Variants in NRG1 observed in about 807,000 individuals in gnomAD.
NRG1 encodes pro-neuregulin-1, membrane-bound isoform.
Under a neutral mutation model 63.8 loss-of-function variants are expected in NRG1, and 18 were observed. The ratio of observed to expected loss-of-function variants is 0.28; its 90% CI spans 0.19 to 0.42. The LOEUF (loss-of-function observed/expected upper bound fraction) is 0.42, where lower values mean the gene tolerates loss of function less well. Ranked by LOEUF, NRG1 falls within the 10% of genes least tolerant of loss-of-function variation. The pLI is 1.00. For synonymous variants in NRG1, 302 were observed against 301.3 expected, an observed-to-expected ratio of 1.00 and a Z score of -0.02; for missense variants, 762 against 814.7, an observed-to-expected ratio of 0.94 and a Z score of 0.79.
chr8:32,391,889 A>T (rs1811819626), intron 1 of NRG1, among the ~76,000 whole-genome samples: 1 of 152,230 alleles, frequency 6.6e-6, no homozygotes, highest in Non-Finnish European at 1.5e-5. Flanking sequence ...AGTCCAAAGG[A>T]TAATTCAGTC....
rs370950872 is a variant in NRG1, at chr8:31,918,518, G to C, written c.37+279087G>C. ...CTGGATTACATTTATTGATTTGCGT[G>C]TATTGAACCAGCCTTGCATCCCAGG... On this transcript the variant is annotated intron_variant, in intron 1 of 10. Transcript: ENST00000519301. Among the ~76,000 whole-genome samples the C allele has an allele frequency of 3.9e-5, 6 of 152,036 alleles. No homozygotes were observed. In the South Asian group the frequency reaches 1.2e-3, roughly 32 times the overall value.
At chr8:32,006,938 T>C (rs1447744255) in intron 1 of NRG1, among the ~76,000 whole-genome samples, 1 of 151,978 alleles carries the variant, frequency 6.6e-6, no homozygotes, top group East Asian at 1.9e-4. Context: ...ATCAGTAATA[T>C]AGAGGCAGAC....
At position 32,133,907 on chromosome 8, in the gene NRG1, G is replaced by A. The variant is rs927725223; in HGVS notation, c.38-461921G>A. 2.0e-5 allele frequency among the ~76,000 whole-genome samples: 3 copies of A among 152,060 alleles called. No homozygotes were observed. In the East Asian group the frequency reaches 5.8e-4, roughly 29 times the overall value. The stretch of plus-strand genomic sequence containing the variant: ...AGCACAGGTTGAAAATACTTTTATG[G>A]GCCACAGGATAATTTAAGTGATTAT... On this transcript the variant is annotated intron_variant, in intron 1 of 10. Transcript: ENST00000519301.
At chr8:32,158,344 G>T (rs1330736212) in intron 1 of NRG1, among the ~76,000 whole-genome samples, 1 of 150,300 alleles carries the variant, frequency 6.7e-6, no homozygotes, top group East Asian at 1.9e-4. Context: ...TGAGGTAATA[G>T]GAATTTTTTA....
At chr8:32,649,757 C>A (rs2129547249) in intron 5 of NRG1, among the ~76,000 whole-genome samples, 1 of 152,264 alleles carries the variant, frequency 6.6e-6, no homozygotes, top group East Asian at 1.9e-4. Flanking sequence ...GGAAAACCTC[C>A]TTCATGCAGA....
Position 32,595,994 on chromosome 8 carries a change from A to G in NRG1, c.267A>G (p.Gln89=), listed in dbSNP as rs955467605. Residue 89 remains glutamine, a synonymous_variant, in exon 2 of 12, where the codon CAA becomes CAG. Coordinates refer to ENST00000356819, the Ensembl canonical transcript of NRG1. ...ACAAACCACAAAATATCAAGATACA[A>G]AAAAAGCCAGGGTAAGTATAATGCA... is the stretch of plus-strand genomic sequence containing the variant. 4.3e-6 allele frequency: 7 copies of G among 1,612,974 alleles called. No homozygotes were observed. The Admixed American group carries it at 6.7e-5, about 15-fold the overall frequency.
At chr8:32,207,770 G>C (rs1190809421) in intron 1 of NRG1, among the ~76,000 whole-genome samples, 1 of 152,164 alleles carries the variant, frequency 6.6e-6, no homozygotes, top group Non-Finnish European at 1.5e-5. Context: ...AGCAGGGAAT[G>C]GTTTATAGGC....
At chr8:32,208,186 GT>G (rs1844275392) in intron 1 of NRG1, among the ~76,000 whole-genome samples, 1 of 151,966 alleles carries the variant, frequency 6.6e-6, no homozygotes, top group Admixed American at 6.6e-5. Context: ...TTTTTTACCT[GT>G]CATATGGCAG....
chr8:32,197,884 G>A (rs1315893806), intron 1 of NRG1, among the ~76,000 whole-genome samples: 1 of 152,134 alleles, frequency 6.6e-6, no homozygotes, highest in Non-Finnish European at 1.5e-5. Flanking sequence ...GCCTGGCCAA[G>A]TCTTAGGTAA....
intron 1 of NRG1, among the ~76,000 whole-genome samples, chr8:32,031,425 G>A (rs1004576624): frequency 2.0e-5 from 3 of 152,152 alleles, no homozygotes; most frequent in African/African-American, 2.4e-5. Context: ...CTCGCTGCAC[G>A]TGACTGGTGC....
intron 1 of NRG1, among the ~76,000 whole-genome samples, chr8:31,673,080 T>C (rs142663669): frequency 4.6e-5 from 7 of 152,242 alleles, no homozygotes; most frequent in Non-Finnish European, 7.4e-5. Context: ...AAATTCCTTC[T>C]CTTTCTAACA....
intron 9 of NRG1, among the ~76,000 whole-genome samples, chr8:32,758,572 T>A (rs2129056284): frequency 3.3e-5 from 1 of 30,632 alleles, no homozygotes; most frequent in South Asian, 2.2e-3. Context: ...TGAGACTCCA[T>A]CTCAAAAAAA....
At chr8:32,474,377 C>G (rs1245008900) in intron 1 of NRG1, among the ~76,000 whole-genome samples, 1 of 152,134 alleles carries the variant, frequency 6.6e-6, no homozygotes, top group East Asian at 1.9e-4. Flanking sequence ...ACAGCACACT[C>G]TCTCCCATGC....
chr8:31,657,985 T>C (rs549008572), intron 1 of NRG1, among the ~76,000 whole-genome samples: 6 of 152,266 alleles, frequency 3.9e-5, no homozygotes, highest in East Asian at 1.9e-4. Flanking sequence ...TTGCTAAAGG[T>C]AGACTTTCCT....
intron 1 of NRG1, among the ~76,000 whole-genome samples, chr8:31,859,003 T>A (rs1828218946): frequency 1.3e-5 from 2 of 152,184 alleles, no homozygotes; most frequent in Non-Finnish European, 2.9e-5. Context: ...GAAGTATAGA[T>A]TTTTATGCTA....
chr8:31,658,780 A>G (rs1250098456), intron 1 of NRG1, among the ~76,000 whole-genome samples: 1 of 152,146 alleles, frequency 6.6e-6, no homozygotes, highest in East Asian at 1.9e-4. Flanking sequence ...GTACCTTCTT[A>G]ATGTTAATCA....
At chr8:32,754,764 A>G (rs1014181031) in intron 8 of NRG1, among the ~76,000 whole-genome samples, 13 of 152,140 alleles carry the variant, frequency 8.5e-5, no homozygotes, top group Non-Finnish European at 1.5e-5. Flanking sequence ...TGTGGGTGGG[A>G]CAGAATGAAG....
At chr8:31,719,586 A>C (rs1812694527) in intron 1 of NRG1, among the ~76,000 whole-genome samples, 1 of 152,176 alleles carries the variant, frequency 6.6e-6, no homozygotes, top group African/African-American at 2.4e-5. Flanking sequence ...GGTTCTTTGA[A>C]AGCATCAAAT....
chr8:32,091,451 G>A (rs189904560), intron 1 of NRG1, among the ~76,000 whole-genome samples: 66 of 152,256 alleles, frequency 4.3e-4, no homozygotes, highest in Admixed American at 2.7e-3. Flanking sequence ...TGGTAGTGCC[G>A]TGTGTTGATA....
Sources: allele counts gnomAD v4.1 joint callset (sites outside exome capture counted in the v4.1 genomes callset), GRCh38; gene constraint gnomAD v4.1.1; transcripts MANE v1.5; gene names NCBI Gene and HGNC (gene_info 2026-07-23, HGNC 2026-07-21).